Variants in RBFOX1 observed in about 807,000 individuals in gnomAD.
The protein encoded by RBFOX1 is RNA binding fox-1 homolog 1.
Under a neutral mutation model 57.7 loss-of-function variants are expected in RBFOX1, and 8 were observed. The ratio of observed to expected loss-of-function variants is 0.14; its 90% CI spans 0.08 to 0.25. RBFOX1 has a LOEUF of 0.25. RBFOX1 is among the 10% of genes least tolerant of loss of function. RBFOX1 has a pLI of 1.00. For missense variants in RBFOX1, 611 were observed against 548.5 expected, an observed-to-expected ratio of 1.11 and a Z score of -1.14; for synonymous variants, 326 against 222.4, an observed-to-expected ratio of 1.47 and a Z score of -4.15.
At chr16:7,506,184 C>CAAAAAAAAAA (rs552568132) in intron 4 of RBFOX1, among the ~76,000 whole-genome samples, 2 of 49,942 alleles carry the variant, frequency 4.0e-5, no homozygotes, top group Admixed American at 4.2e-4. Flanking sequence ...GACTCTGTCT[C>CAAAAAAAAAA]AAAAAAAAAA....
chr16:7,359,438 T>C (rs1261112103), intron 4 of RBFOX1, among the ~76,000 whole-genome samples: 1 of 152,196 alleles, frequency 6.6e-6, no homozygotes, highest in African/African-American at 2.4e-5. Flanking sequence ...GGAAAATAAT[T>C]TACCTTCATT....
At chr16:6,814,792 C>T (rs2089670925) in intron 3 of RBFOX1, among the ~76,000 whole-genome samples, 1 of 152,062 alleles carries the variant, frequency 6.6e-6, no homozygotes, top group South Asian at 2.1e-4. Context: ...AGAAGCAGCA[C>T]ATCAAGGGGT....
intron 4 of RBFOX1, among the ~76,000 whole-genome samples, chr16:7,339,012 A>G (rs1170107645): frequency 6.6e-6 from 1 of 152,182 alleles, no homozygotes; most frequent in Non-Finnish European, 1.5e-5. Flanking sequence ...ACTTTTCTGT[A>G]CTGCCAAAGA....
chr16:5,311,062 G>C (rs893354432), intron 1 of RBFOX1, among the ~76,000 whole-genome samples: 1 of 152,146 alleles, frequency 6.6e-6, no homozygotes, highest in South Asian at 2.1e-4. Context: ...CCATAGCTTA[G>C]ATTCCACTTG....
intron 4 of RBFOX1, among the ~76,000 whole-genome samples, chr16:7,241,469 A>G (rs1048425868): frequency 2.0e-5 from 3 of 152,226 alleles, no homozygotes; most frequent in African/African-American, 7.2e-5. Context: ...GGTTCATTCA[A>G]GATGACTAAA....
At chr16:7,326,948 GA>G (rs2096619590) in intron 4 of RBFOX1, among the ~76,000 whole-genome samples, 1 of 152,088 alleles carries the variant, frequency 6.6e-6, no homozygotes, top group Non-Finnish European at 1.5e-5. Context: ...TTTGCTAGTG[GA>G]CATTTTAGTC....
In RBFOX1 at chr16:5,849,577, G is replaced by C. The variant is rs771169571; in HGVS notation, c.319-17726G>C. On this transcript the variant is annotated intron_variant, in intron 3 of 19. Coordinates refer to the RBFOX1 transcript ENST00000641259. ...CATCCCACATGGTTCTCAAGTCTTG[G>C]TTTTTCTGACTGTAAGCCGCAGTCA... 2.0e-5 allele frequency among the ~76,000 whole-genome samples: 3 copies of C among 152,090 alleles called. No homozygotes were observed. In the East Asian group the frequency reaches 5.8e-4, roughly 29 times the overall value.
At chr16:6,949,825 G>C (rs113895109) in intron 3 of RBFOX1, among the ~76,000 whole-genome samples, 29 of 152,090 alleles carry the variant, frequency 1.9e-4, no homozygotes, top group African/African-American at 6.3e-4. Flanking sequence ...TGTATGAGCA[G>C]AACATCTCTT....
intron 4 of RBFOX1, among the ~76,000 whole-genome samples, chr16:7,235,850 G>C (rs140887638): frequency 6.6e-6 from 1 of 152,276 alleles, no homozygotes; most frequent in African/African-American, 2.4e-5. Flanking sequence ...ACAGTTGAAG[G>C]CTATTAATCA....
chr16:6,800,840 G>A (rs2085264311), intron 3 of RBFOX1, among the ~76,000 whole-genome samples: 1 of 151,974 alleles, frequency 6.6e-6, no homozygotes, highest in African/African-American at 2.4e-5. Flanking sequence ...CAAAATGGAA[G>A]GATTTTTCAT....
chr16:7,121,777 T>C (rs1420298925), intron 4 of RBFOX1, among the ~76,000 whole-genome samples: 1 of 152,018 alleles, frequency 6.6e-6, no homozygotes, highest in Non-Finnish European at 1.5e-5. Flanking sequence ...ATATCTAATT[T>C]ATTTTATATA....
rs534368462 is a variant in RBFOX1, at chr16:6,357,594, C to T, written c.-64+40537C>T. Among the ~76,000 whole-genome samples, 6 of 151,728 alleles carry T rather than the reference C, an allele frequency of 4.0e-5. No individual in the cohort carries two copies. The East Asian group carries it at 7.8e-4, about 20-fold the overall frequency. ...CTCTCTCTCTCTCGCTGTCTCGCTC[C>T]CTCTTGCTCCCGCTTGTGCTCTCTC... On this transcript the variant is annotated intron_variant, in intron 2 of 15. Transcript: ENST00000550418.
At chr16:6,933,751 AGTGGGGAAGAAGTATGGTCAGAAC>A (rs2153479823) in intron 3 of RBFOX1, among the ~76,000 whole-genome samples, 1 of 152,306 alleles carries the variant, frequency 6.6e-6, no homozygotes, top group Admixed American at 6.5e-5. Flanking sequence ...TTTAAAAGGG[AGTGGGGAAGAAGTATGGTCAGAAC>A]ATTTTCCAAA....
chr16:7,421,603 A>C (rs183259664), intron 4 of RBFOX1, among the ~76,000 whole-genome samples: 1 of 152,240 alleles, frequency 6.6e-6, no homozygotes, highest in Non-Finnish European at 1.5e-5. Flanking sequence ...GTAGGTTGGA[A>C]GACTGCCGAG....
chr16:6,134,139 G>C (rs992528039), intron 1 of RBFOX1, among the ~76,000 whole-genome samples: 1 of 152,002 alleles, frequency 6.6e-6, no homozygotes, highest in African/African-American at 2.4e-5. Flanking sequence ...GTTTCACCAT[G>C]TTGGCCAGGC....
At chr16:7,542,808 T>C (rs1414338541) in intron 5 of RBFOX1, among the ~76,000 whole-genome samples, 1 of 60,568 alleles carries the variant, frequency 1.7e-5, no homozygotes, top group Admixed American at 1.2e-4. Context: ...CAAGACTGTC[T>C]GAGGAAAAAA....
At chr16:7,709,576 C>T (rs1481951190) in intron 15 of RBFOX1, 1 of 1,529,590 alleles carries the variant, frequency 6.5e-7, no homozygotes, top group Non-Finnish European at 8.8e-7. Context: ...AGCTGAGAAT[C>T]TGACTGCCTC....
chr16:7,474,755 C>T (rs929208907), intron 4 of RBFOX1, among the ~76,000 whole-genome samples: 15 of 152,152 alleles, frequency 9.9e-5, no homozygotes, highest in African/African-American at 3.4e-4. Flanking sequence ...TAGAACTGGA[C>T]TTCTAGAATG....
intron 1 of RBFOX1, among the ~76,000 whole-genome samples, chr16:5,427,939 A>T (rs1468442457): frequency 3.3e-5 from 5 of 152,214 alleles, no homozygotes. Flanking sequence ...CATCACAGGT[A>T]GAGTCAGCAC....
Sources: gnomAD v4.1 joint callset for allele counts (sites outside exome capture counted in the v4.1 genomes callset) on GRCh38, gnomAD v4.1.1 for gene constraint, MANE v1.5 for transcripts, NCBI Gene and HGNC (gene_info 2026-07-23, HGNC 2026-07-21) for gene names.